ZNF585B: variants seen among roughly 807,000 people sequenced by gnomAD.
ZNF585B encodes zinc finger protein 585B.
A neutral mutation model predicts 14.0 loss-of-function variants in ZNF585B; 7 were observed. That is an observed-to-expected ratio of 0.50 (90% CI 0.28 to 0.94). ZNF585B has a LOEUF of 0.94. ZNF585B is among the 40% of genes least tolerant of loss of function. The pLI, the probability that ZNF585B is intolerant of heterozygous loss-of-function variation, is 0.09. For missense variants in ZNF585B, 750 were observed against 924.4 expected, an observed-to-expected ratio of 0.81 and a Z score of 2.45; for synonymous variants, 290 against 317.3, an observed-to-expected ratio of 0.91 and a Z score of 0.91.
chr19:37,188,481 C>T (rs111353059), intron 4 of ZNF585B, among the ~76,000 whole-genome samples: 1,541 of 151,946 alleles, frequency 0.01, 25 homozygotes, highest in African/African-American at 0.035. Context: ...AGTGAAACTC[C>T]GTCTCAAAAA....
At chr19:37,190,700 G>T (rs1382279612) in intron 2 of ZNF585B, among the ~76,000 whole-genome samples, 1 of 151,322 alleles carries the variant, frequency 6.6e-6, no homozygotes, top group Admixed American at 6.6e-5. Flanking sequence ...TGAGTAGCTG[G>T]GATTACAGGT....
intron 4 of ZNF585B, among the ~76,000 whole-genome samples, chr19:37,187,446 C>T (rs528626213): frequency 6.6e-6 from 1 of 152,126 alleles, no homozygotes; most frequent in South Asian, 2.1e-4. Context: ...TTCTGATAGC[C>T]TTATATTCAT....
intron 1 of ZNF585B, among the ~76,000 whole-genome samples, chr19:37,209,703 T>C (rs929687542): frequency 1.1e-4 from 16 of 151,340 alleles, no homozygotes; most frequent in African/African-American, 3.4e-4. Context: ...CAGACACTAA[T>C]TGAAACATAA....
chr19:37,187,777 G>GT (rs1210313731), intron 4 of ZNF585B, among the ~76,000 whole-genome samples: 3 of 152,144 alleles, frequency 2.0e-5, no homozygotes, highest in Non-Finnish European at 4.4e-5. Flanking sequence ...AGAGAAAAGG[G>GT]TAAGGGTGAG....
At chr19:37,193,680 TGAG>T (rs1244236201) in intron 2 of ZNF585B, among the ~76,000 whole-genome samples, 1 of 152,024 alleles carries the variant, frequency 6.6e-6, no homozygotes, top group Non-Finnish European at 1.5e-5. Context: ...CTCGGGAGGC[TGAG>T]GTCGGAGGAT....
rs375681412 is a variant in ZNF585B, at chr19:37,186,298, C to G, written c.1239G>C (p.Met413Ile). ...IHTGEKSYIC[M>I]KCGLAFIRKA... ...TCCGGATGAAGGCCAGTCCACATTT[C>G]ATGCATATATACGATTTTTCTCCTG... is the stretch of plus-strand genomic sequence containing the variant. The change falls in exon 5 of 5, where the codon ATG (methionine) becomes ATC (isoleucine). Residue 413 changes from methionine to isoleucine, a missense_variant. Around this residue, in one of 2 missense-constraint regions of ZNF585B, gnomAD observed 517 missense variants for 570.3 expected, o/e 0.91. Coordinates refer to ENST00000532828, the MANE Select transcript of ZNF585B (RefSeq NM_152279.4). 5.0e-6 allele frequency: 8 copies of G among 1,613,814 alleles called. No homozygotes were observed. The highest frequency in any genetic ancestry group is 6.8e-6 in the Non-Finnish European group (8 of 1,179,898).
rs754785672 is a variant in ZNF585B, at chr19:37,189,739, T to C, written c.214A>G (p.Lys72Glu). 9 of 1,614,014 alleles carry C rather than the reference T, an allele frequency of 5.6e-6. No individual in the cohort carries two copies. The East Asian group carries it at 6.7e-5, about 12-fold the overall frequency. The change falls in exon 4 of 5, where the codon AAA becomes GAA. Residue 72 changes from lysine (K) to glutamate (E), a missense_variant. By Grantham distance (56) the Lys-to-Glu change is moderately conservative. Around this residue, in one of 2 missense-constraint regions of ZNF585B, gnomAD observed 517 missense variants for 570.3 expected, o/e 0.91. Coordinates refer to ENST00000532828, the MANE Select transcript of ZNF585B (RefSeq NM_152279.4). Reference protein sequence around the residue: ...HLLSVGYQVPKPEVVMLEQGK... With the variant: ...HLLSVGYQVPEPEVVMLEQGK... ...TGCTCCAACATGACCACCTCTGGTTTAGGAACTTGATACCCTGTTCATGGG... is the reference window on the plus strand; with the variant it reads ...TGCTCCAACATGACCACCTCTGGTTCAGGAACTTGATACCCTGTTCATGGG...
chr19:37,184,309 C>T lies in ZNF585B; in HGVS notation c.*918G>A, dbSNP rs1045780568. ...CGGAGGTTGCAGTGAGCCAAGATAG[C>T]GCCACTGCACTCTAGCTTGCCCGAC... On this transcript the variant is annotated 3_prime_UTR_variant, in exon 5 of 5. Transcript: ENST00000532828. 6.7e-5 allele frequency: 10 copies of T among 149,386 alleles called. No individual in the cohort carries two copies. The highest frequency in any genetic ancestry group is 1.4e-4 in the Admixed American group (2 of 14,780). 9.3% of individuals were successfully genotyped at this position (149,386 alleles called of 1,614,324 possible).
At chr19:37,209,482 G>A (rs1406718594) in intron 1 of ZNF585B, among the ~76,000 whole-genome samples, 1 of 152,102 alleles carries the variant, frequency 6.6e-6, no homozygotes, top group African/African-American at 2.4e-5. Flanking sequence ...GAAAGGACAG[G>A]TGGACAAATA....
intron 1 of ZNF585B, 112 bp from the exon 2 acceptor site, chr19:37,207,366 A>G: frequency 2.7e-6 from 2 of 745,708 alleles, no homozygotes; most frequent in South Asian, 5.8e-5. Flanking sequence ...TCCCAAACGT[A>G]GGTATGCATT....
At chr19:37,199,136 C>G (rs1972504086) in intron 2 of ZNF585B, 1 of 652,508 alleles carries the variant, frequency 1.5e-6, no homozygotes, top group Non-Finnish European at 2.6e-6. Flanking sequence ...AACTCCCCAA[C>G]CCCCAAACCC....
Position 37,186,462 on chromosome 19 carries a change from A to C in ZNF585B, c.1075T>G (p.Cys359Gly), listed in dbSNP as rs1972334682. 1 of 1,614,002 alleles carries C rather than the reference A, an allele frequency of 6.2e-7. No individual in the cohort carries two copies. Among genetic ancestry groups the C allele is most frequent in the Admixed American group, 1.7e-5 (1 of 60,002 alleles). ...GACCTGTAGGTAAAGGCCTTCCCAC[A>C]CTCAGTACATATGGAAGATTTCTCT... ...SREKSSICTECGKAFTYRSEL... is the reference protein window; with the variant it reads ...SREKSSICTEGGKAFTYRSEL... Residue 359 changes from cysteine to glycine, a missense_variant, in exon 5 of 5, where the codon TGT (cysteine) becomes GGT (glycine). Around this residue, in one of 2 missense-constraint regions of ZNF585B, gnomAD observed 517 missense variants for 570.3 expected, o/e 0.91. Coordinates refer to ENST00000532828, the MANE Select transcript of ZNF585B (RefSeq NM_152279.4).
chr19:37,184,599 T>C lies in ZNF585B; in HGVS notation c.*628A>G, dbSNP rs1448262383. 1 of 162,174 alleles carries C rather than the reference T, an allele frequency of 6.2e-6. No homozygotes were observed. Among genetic ancestry groups the C allele is most frequent in the African/African-American group, 2.4e-5 (1 of 41,874 alleles). 10.0% of individuals were successfully genotyped at this position (162,174 alleles called of 1,614,324 possible). On this transcript the variant is annotated 3_prime_UTR_variant, in exon 5 of 5. Transcript: ENST00000532828. The stretch of plus-strand genomic sequence containing the variant: ...GCTCAGAGAGAGTCCTGGCAGATAA[T>C]GAAGGGGACTGTAAGTCTTTTTCTA...
At chr19:37,192,404 T>C (rs1281159070) in intron 2 of ZNF585B, among the ~76,000 whole-genome samples, 3 of 151,846 alleles carry the variant, frequency 2.0e-5, no homozygotes, top group Non-Finnish European at 4.4e-5. Flanking sequence ...AAGGGGGACA[T>C]TGCCCAGCAA....
intron 2 of ZNF585B, among the ~76,000 whole-genome samples, chr19:37,192,506 CA>C (rs373034059): frequency 1.9e-3 from 238 of 127,736 alleles, no homozygotes; most frequent in Middle Eastern, 0.012. Flanking sequence ...GAACCTGTCT[CA>C]AAAAAAAAAA....
At chr19:37,201,108 T>C (rs1012390041) in intron 2 of ZNF585B, among the ~76,000 whole-genome samples, 1 of 133,526 alleles carries the variant, frequency 7.5e-6, no homozygotes, top group East Asian at 2.2e-4. Context: ...AAAAAAAAAA[T>C]TATCTTTCCA....
At chr19:37,192,516 A>AAT (rs1555778871) in intron 2 of ZNF585B, among the ~76,000 whole-genome samples, 114 of 143,432 alleles carry the variant, frequency 7.9e-4, no homozygotes, top group African/African-American at 2.6e-3. Flanking sequence ...CAAAAAAAAA[A>AAT]AAAATAAAAT....
Position 37,184,804 on chromosome 19 carries a change from A to G in ZNF585B, c.*423T>C, listed in dbSNP as rs1004238561. ...TACTAGACAGTGTGTTCTGGAACAA[A>G]CAACTCACAGAAGGATTCATCACTA... On this transcript the variant is annotated 3_prime_UTR_variant, in exon 5 of 5. Transcript: ENST00000532828. 1.5e-5 allele frequency: 6 copies of G among 405,810 alleles called. No homozygotes were observed. Among genetic ancestry groups the G allele is most frequent in the Non-Finnish European group, 2.6e-5 (6 of 229,288 alleles). The allele number at this position is 405,810 out of a possible 1,614,324, so 25.1% of individuals were successfully genotyped here. A position where few individuals can be genotyped will look rare whatever the true frequency, so the allele number is the denominator to read the frequency against.
Position 37,184,905 on chromosome 19 carries a change from C to T in ZNF585B, c.*322G>A, listed in dbSNP as rs1047331. The T allele has an allele frequency of 8.8e-6, 4 of 452,810 alleles. No homozygotes were observed. The highest frequency in any genetic ancestry group is 1.5e-5 in the Non-Finnish European group (4 of 258,734). The allele number at this position is 452,810 out of a possible 1,614,324, so 28.0% of individuals were successfully genotyped here. A position where few individuals can be genotyped will look rare whatever the true frequency, so the allele number is the denominator to read the frequency against. ...TCCACAGTAAACAGGATTATCATTC[C>T]CATAATATGATCTTTCTTATGAAGA... On this transcript the variant is annotated 3_prime_UTR_variant, in exon 5 of 5. Coordinates refer to ENST00000532828, the MANE Select transcript of ZNF585B (RefSeq NM_152279.4).
Sources: gnomAD v4.1 joint callset for allele counts (sites outside exome capture counted in the v4.1 genomes callset) on GRCh38, gnomAD v4.1.1 for gene constraint, gnomAD v4.1.1 regional missense constraint, MANE v1.5 for transcripts, NCBI Gene and HGNC (gene_info 2026-07-23, HGNC 2026-07-21) for gene names.